Variants in SOX6 observed in about 807,000 individuals in gnomAD.
The protein encoded by SOX6 is transcription factor SOX-6.
In SOX6, 11 loss-of-function variants were observed where a neutral mutation model predicts 97.8. The ratio of observed to expected loss-of-function variants is 0.11; its 90% CI spans 0.07 to 0.19. The LOEUF (loss-of-function observed/expected upper bound fraction) is 0.19. Ranked by LOEUF, SOX6 falls within the 10% of genes least tolerant of loss-of-function variation. The pLI, the probability that SOX6 is intolerant of heterozygous loss-of-function variation, is 1.00. For synonymous variants in SOX6, 360 were observed against 371.4 expected (o/e 0.97, Z 0.35); for missense variants, 810 against 1,039.5 (o/e 0.78, Z 3.04).
intron 1 of SOX6, among the ~76,000 whole-genome samples, chr11:16,342,892 C>CA (rs1283647820): frequency 6.6e-6 from 1 of 151,482 alleles, no homozygotes; most frequent in Admixed American, 6.6e-5. Context: ...CTACAAGTAA[C>CA]AAAAATTGTA....
At chr11:16,202,935 C>G (rs892175543) in intron 4 of SOX6, among the ~76,000 whole-genome samples, 3 of 151,996 alleles carry the variant, frequency 2.0e-5, no homozygotes, top group African/African-American at 7.2e-5. Context: ...AAATCTATGA[C>G]ATGACTGGGA....
intron 1 of SOX6, among the ~76,000 whole-genome samples, chr11:16,456,010 A>T (rs186853458): frequency 3.2e-4 from 49 of 152,224 alleles, no homozygotes; most frequent in Admixed American, 3.9e-4. Context: ...CAAATCAGCC[A>T]TAATGTGATA....
intron 4 of SOX6, among the ~76,000 whole-genome samples, chr11:16,216,578 T>G (rs1424736870): frequency 6.6e-6 from 1 of 151,258 alleles, no homozygotes; most frequent in African/African-American, 2.4e-5. Context: ...TCAGAACCCT[T>G]CCTGCACTCT....
chr11:16,398,068 A>G (rs73433503), intron 1 of SOX6, among the ~76,000 whole-genome samples: 8,788 of 151,626 alleles, frequency 0.058, 794 homozygotes, highest in African/African-American at 0.19. Flanking sequence ...AATGCAATCT[A>G]TAAACACTTG....
chr11:16,008,081 A>G (rs1365336013), intron 13 of SOX6, among the ~76,000 whole-genome samples: 5 of 152,196 alleles, frequency 3.3e-5, no homozygotes, highest in Middle Eastern at 3.4e-3. Flanking sequence ...CACATAACCT[A>G]TGCATATCCT....
chr11:16,339,994 T>C (rs1011167713), intron 2 of SOX6, among the ~76,000 whole-genome samples: 2 of 152,070 alleles, frequency 1.3e-5, no homozygotes, highest in Admixed American at 6.6e-5. Context: ...CTTTCAATCC[T>C]CTGCTTCTCA....
In SOX6 at chr11:16,451,287, T is replaced by C. The variant is rs578102586; in HGVS notation, c.-5+25028A>G. Among the ~76,000 whole-genome samples the C allele has an allele frequency of 1.3e-4, 20 of 152,218 alleles. No individual in the cohort carries two copies. The South Asian group carries it at 4.2e-3, about 32-fold the overall frequency. ...TCTCTGAGGTAGCATATATTATAAC[T>C]GAATATATAATTATTCTCCCATTTT... is the stretch of plus-strand genomic sequence containing the variant. On this transcript the variant is annotated intron_variant, in intron 1 of 15. Transcript: ENST00000396356.
At chr11:16,727,931 T>C (rs866482827) in intron 2 of SOX6, among the ~76,000 whole-genome samples, 10 of 152,200 alleles carry the variant, frequency 6.6e-5, no homozygotes, top group Admixed American at 1.3e-4. Context: ...AATTGGAATA[T>C]TGCTGCTTTA....
At chr11:16,020,238 C>G (rs1322689254) in intron 12 of SOX6, among the ~76,000 whole-genome samples, 2 of 151,984 alleles carry the variant, frequency 1.3e-5, no homozygotes, top group Non-Finnish European at 2.9e-5. Flanking sequence ...TCCACATAGC[C>G]TCTTGCCCTC....
At chr11:16,107,393 ATG>A (rs1849114994) in intron 7 of SOX6, among the ~76,000 whole-genome samples, 4 of 143,190 alleles carry the variant, frequency 2.8e-5, no homozygotes, top group Non-Finnish European at 4.5e-5. Flanking sequence ...ATACATATAT[ATG>A]TATATATATG....
At chr11:16,398,103 C>T (rs1858414385) in intron 1 of SOX6, among the ~76,000 whole-genome samples, 1 of 151,410 alleles carries the variant, frequency 6.6e-6, no homozygotes. Flanking sequence ...GGGATGCTTG[C>T]AAAAAATATA....
intron 6 of SOX6, among the ~76,000 whole-genome samples, chr11:16,160,459 G>A (rs1850718779): frequency 6.6e-6 from 1 of 152,124 alleles, no homozygotes; most frequent in South Asian, 2.1e-4. Context: ...TGATGTGTCT[G>A]GATAACACAT....
At chr11:16,272,716 A>C (rs1854293302) in intron 3 of SOX6, among the ~76,000 whole-genome samples, 1 of 151,812 alleles carries the variant, frequency 6.6e-6, no homozygotes, top group Non-Finnish European at 1.5e-5. Context: ...TAATGAATGA[A>C]ATAAATGAGA....
At chr11:16,604,424 C>T (rs1453967131) in intron 4 of SOX6, among the ~76,000 whole-genome samples, 1 of 152,168 alleles carries the variant, frequency 6.6e-6, no homozygotes, top group Non-Finnish European at 1.5e-5. Context: ...GAGAGAAGAC[C>T]CTAGTGGGCG....
At chr11:16,478,540 T>C (rs1444665940), upstream of SOX6, among the ~76,000 whole-genome samples, 2 of 152,228 alleles carry the variant, frequency 1.3e-5, no homozygotes, top group Non-Finnish European at 2.9e-5. Context: ...GTGCTACATA[T>C]GTTAAAAGCA....
chr11:16,267,929 T>A (rs940361520), intron 3 of SOX6, among the ~76,000 whole-genome samples: 13 of 151,356 alleles, frequency 8.6e-5, no homozygotes, highest in African/African-American at 2.9e-4. Context: ...TCATGCTAAG[T>A]CAAATAAGCC....
chr11:16,630,644 G>A (rs1347406679), intron 3 of SOX6, among the ~76,000 whole-genome samples: 2 of 151,766 alleles, frequency 1.3e-5, no homozygotes, highest in African/African-American at 2.4e-5. Context: ...AAATTTGTTA[G>A]TTTTCTGCCT....
intron 4 of SOX6, among the ~76,000 whole-genome samples, chr11:16,221,354 A>C (rs1187540470): frequency 6.6e-6 from 1 of 152,104 alleles, no homozygotes; most frequent in African/African-American, 2.4e-5. Flanking sequence ...GTCCTTGATG[A>C]AACCAATAAA....
chr11:16,434,682 C>T (rs557200090), intron 1 of SOX6, among the ~76,000 whole-genome samples: 1 of 152,142 alleles, frequency 6.6e-6, no homozygotes, highest in East Asian at 1.9e-4. Context: ...TATCCTTAGC[C>T]CTTAGCAGAA....
Sources: gnomAD v4.1 joint callset for allele counts (sites outside exome capture counted in the v4.1 genomes callset) on GRCh38, gnomAD v4.1.1 for gene constraint, MANE v1.5 for transcripts, NCBI Gene and HGNC (gene_info 2026-07-23, HGNC 2026-07-21) for gene names.